GBE1: variants seen among roughly 807,000 people sequenced by gnomAD.
The protein encoded by GBE1 is 1,4-alpha-glucan-branching enzyme.
A neutral mutation model predicts 88.8 loss-of-function variants in GBE1; 70 were observed. That is an observed-to-expected ratio of 0.79 (90% CI 0.65 to 0.96). The LOEUF (loss-of-function observed/expected upper bound fraction) is 0.96, where lower values mean the gene tolerates loss of function less well. Among genes scored for constraint, GBE1 ranks in the 40% least tolerant of loss-of-function variants. The pLI is 0.00. For missense variants in GBE1, 872 were observed against 871.0 expected (o/e 1.00, Z -0.01); for synonymous variants, 284 against 300.1 (o/e 0.95, Z 0.56).
intron 7 of GBE1, among the ~76,000 whole-genome samples, chr3:81,624,976 C>T (rs1055305345): frequency 8.6e-5 from 13 of 151,832 alleles, no homozygotes; most frequent in African/African-American, 2.9e-4. Flanking sequence ...GGAAAAGAGC[C>T]AACCACAGGG....
At chr3:81,555,962 T>G (rs34674953) in intron 12 of GBE1, among the ~76,000 whole-genome samples, 34,365 of 152,044 alleles carry the variant, frequency 0.23, 4,163 homozygotes, top group East Asian at 0.43. Context: ...CCAATATAAA[T>G]AGTCTCTTTT....
At chr3:81,617,806 C>A (rs565634192) in intron 7 of GBE1, among the ~76,000 whole-genome samples, 67 of 151,618 alleles carry the variant, frequency 4.4e-4, no homozygotes, top group African/African-American at 1.5e-3. Flanking sequence ...AATTCTTCTT[C>A]AAATGTTTCA....
intron 1 of GBE1, among the ~76,000 whole-genome samples, chr3:81,734,963 T>A (rs1483597179): frequency 6.6e-6 from 1 of 152,190 alleles, no homozygotes; most frequent in East Asian, 1.9e-4. Context: ...CCCAGCTCCA[T>A]CTCACCTGGG....
At chr3:81,534,681 A>T (rs542999523) in intron 14 of GBE1, 1 of 152,346 alleles carries the variant, frequency 6.6e-6, no homozygotes, top group East Asian at 1.9e-4. Flanking sequence ...GTGGAGGAAA[A>T]GAAACAAGTC....
chr3:81,574,961 G>A (rs917188979), intron 12 of GBE1, among the ~76,000 whole-genome samples: 5 of 152,040 alleles, frequency 3.3e-5, no homozygotes, highest in Admixed American at 6.6e-5. Flanking sequence ...TCAGGAGATC[G>A]AGATCATCCT....
intron 1 of GBE1, among the ~76,000 whole-genome samples, chr3:81,711,638 T>G (rs1705867482): frequency 6.6e-6 from 1 of 152,148 alleles, no homozygotes; most frequent in African/African-American, 2.4e-5. Flanking sequence ...TTCCTTACAC[T>G]TATACAAAAA....
intron 1 of GBE1, among the ~76,000 whole-genome samples, chr3:81,742,664 T>C (rs918951172): frequency 3.3e-5 from 5 of 152,122 alleles, no homozygotes; most frequent in Non-Finnish European, 7.4e-5. Context: ...GAAAATCATG[T>C]TGGGCCTGAG....
At chr3:81,536,432 T>C (rs1484244201) in intron 13 of GBE1, among the ~76,000 whole-genome samples, 1 of 150,634 alleles carries the variant, frequency 6.6e-6, no homozygotes, top group Non-Finnish European at 1.5e-5. Context: ...TCATGAAAAA[T>C]ACAAAACAGC....
At chr3:81,496,036 T>C (rs1702496832) in intron 15 of GBE1, among the ~76,000 whole-genome samples, 1 of 152,218 alleles carries the variant, frequency 6.6e-6, no homozygotes, top group South Asian at 2.1e-4. Context: ...CTATGGAATT[T>C]GGTTTTATGA....
chr3:81,561,154 G>A (rs1424908133), intron 12 of GBE1, among the ~76,000 whole-genome samples: 1 of 151,944 alleles, frequency 6.6e-6, no homozygotes, highest in African/African-American at 2.4e-5. Context: ...AATTACAGAT[G>A]ATAACGTATA....
At position 81,701,273 on chromosome 3, in the gene GBE1, T is replaced by C. The variant is rs567649267; in HGVS notation, c.313+4171A>G. On this transcript the variant is annotated intron_variant, in intron 2 of 15. Transcript: ENST00000429644. Reference sequence around the variant, plus strand: ...TGCGGCAGCTGTTAGCTAAAAAAACTAGTTGTTTAAAAACGACTGGACGAA... The same window carrying C: ...TGCGGCAGCTGTTAGCTAAAAAAACCAGTTGTTTAAAAACGACTGGACGAA... 9.2e-5 allele frequency among the ~76,000 whole-genome samples: 14 copies of C among 152,260 alleles called. No individual in the cohort carries two copies. In the East Asian group the frequency reaches 1.3e-3, roughly 15 times the overall value.
At chr3:81,683,984 C>A (rs1576198660) in intron 2 of GBE1, among the ~76,000 whole-genome samples, 1 of 151,630 alleles carries the variant, frequency 6.6e-6, no homozygotes, top group Admixed American at 6.6e-5. Context: ...ATTACAACAA[C>A]AAAAAAAATA....
At chr3:81,591,383 C>T (rs1011131314) in intron 8 of GBE1, among the ~76,000 whole-genome samples, 2 of 152,046 alleles carry the variant, frequency 1.3e-5, no homozygotes, top group South Asian at 2.1e-4. Context: ...AATGCACACG[C>T]ATGAGAAAAA....
chr3:81,503,260 T>C (rs981359836), intron 14 of GBE1, among the ~76,000 whole-genome samples: 3 of 152,040 alleles, frequency 2.0e-5, no homozygotes, highest in Admixed American at 6.6e-5. Flanking sequence ...CATATGAACA[T>C]GCGTAAATAG....
intron 7 of GBE1, among the ~76,000 whole-genome samples, chr3:81,634,170 C>T (rs950707185): frequency 1.3e-5 from 2 of 152,194 alleles, no homozygotes; most frequent in Non-Finnish European, 2.9e-5. Context: ...CTGCTTTTAT[C>T]CTTTAGTAAA....
At position 81,733,695 on chromosome 3, in the gene GBE1, C is replaced by T. The variant is rs1442498204; in HGVS notation, c.143+27680G>A. Among the ~76,000 whole-genome samples the T allele has an allele frequency of 2.6e-5, 4 of 152,256 alleles. No individual in the cohort carries two copies. Among genetic ancestry groups the T allele is most frequent in the South Asian group, 4.1e-4 (2 of 4,822 alleles). On this transcript the variant is annotated intron_variant, in intron 1 of 15. Coordinates refer to ENST00000429644, the MANE Select transcript of GBE1 (RefSeq NM_000158.4). This position sits in a 1 kb window ranked among gnomAD's most constrained non-coding sequence, Gnocchi z 4.0. ...AAACTGCCCCTCCACACTCAATTCC[C>T]GTTTTTATTATATTCTTCTATGTTT...
At chr3:81,742,170 A>G (rs971002177) in intron 1 of GBE1, among the ~76,000 whole-genome samples, 1 of 152,088 alleles carries the variant, frequency 6.6e-6, no homozygotes, top group African/African-American at 2.4e-5. Context: ...TCTCAAGCCA[A>G]AAATTATACC....
chr3:81,516,978 C>T (rs1003736066), intron 14 of GBE1, among the ~76,000 whole-genome samples: 2 of 151,426 alleles, frequency 1.3e-5, no homozygotes, highest in African/African-American at 4.8e-5. Flanking sequence ...GATGAAGATG[C>T]CAGAGATGGC....
intron 2 of GBE1, among the ~76,000 whole-genome samples, chr3:81,697,031 C>T (rs1475884729): frequency 6.6e-6 from 1 of 152,086 alleles, no homozygotes; most frequent in Admixed American, 6.6e-5. Flanking sequence ...ACACAATCTA[C>T]CAGGAGACAG....
Sources: gnomAD v4.1 joint callset for allele counts (sites outside exome capture counted in the v4.1 genomes callset) on GRCh38, gnomAD v4.1.1 for gene constraint, Gnocchi (gnomAD v3.1) non-coding constraint, MANE v1.5 for transcripts, NCBI Gene and HGNC (gene_info 2026-07-23, HGNC 2026-07-21) for gene names.